PCDHGA8: variants seen among roughly 807,000 people sequenced by gnomAD.
The protein encoded by PCDHGA8 is protocadherin gamma-A8.
In PCDHGA8, 45 loss-of-function variants were observed where a neutral mutation model predicts 59.2. The ratio of observed to expected loss-of-function variants is 0.76; its 90% CI spans 0.60 to 0.98. The LOEUF (loss-of-function observed/expected upper bound fraction) is 0.98. Ranked by LOEUF, PCDHGA8 falls within the 50% of genes least tolerant of loss-of-function variation. The pLI, the probability that PCDHGA8 is intolerant of heterozygous loss-of-function variation, is 0.00. For synonymous variants in PCDHGA8, 531 were observed against 519.0 expected, an observed-to-expected ratio of 1.02 and a Z score of -0.32; for missense variants, 1,257 against 1,196.2, an observed-to-expected ratio of 1.05 and a Z score of -0.75.
Position 141,486,294 on chromosome 5 carries a change from T to C in PCDHGA8, c.2425-8513T>C, listed in dbSNP as rs764106041. The C allele has an allele frequency of 1.2e-6, 2 of 1,614,036 alleles. No homozygotes were observed. The highest frequency in any genetic ancestry group is 1.7e-6 in the Non-Finnish European group (2 of 1,179,998). On this transcript the variant is annotated intron_variant, in intron 1 of 3. Transcript: ENST00000398604. The surrounding 1 kb of genome is among the most constrained non-coding windows in gnomAD (Gnocchi z 5.0). ...GGCACTGTGGTGGCACTTATCAGTG[T>C]GCAGGATCCAGACTCAGGGTCAAAC...
Position 141,477,102 on chromosome 5 carries a change from C to T in PCDHGA8, c.2425-17705C>T. 2.5e-6 allele frequency: 4 copies of T among 1,614,232 alleles called. No homozygotes were observed. The South Asian group carries it at 4.4e-5, about 18-fold the overall frequency. On this transcript the variant is annotated intron_variant, in intron 1 of 3. Coordinates refer to ENST00000398604, the MANE Select transcript of PCDHGA8 (RefSeq NM_032088.2). This position sits in a 1 kb window ranked among gnomAD's most constrained non-coding sequence, Gnocchi z 4.9. Reference sequence around the variant, plus strand: ...TACATCCAGGCCAAAGACAAGGGCGCCAATCCCGAAGGAGCACATTGCAAA... The same window carrying T: ...TACATCCAGGCCAAAGACAAGGGCGTCAATCCCGAAGGAGCACATTGCAAA...
rs141151122 is a variant in PCDHGA8, at chr5:141,491,445, C to T, written c.2425-3362C>T. ...GAGGGCAGTGCTGCAGGCGCCAGGA[C>T]TCACCCTCCCCGGACTTCTATAAGC... is the stretch of plus-strand genomic sequence containing the variant. On this transcript the variant is annotated intron_variant, in intron 1 of 3. Transcript: ENST00000398604. This position sits in a 1 kb window ranked among gnomAD's most constrained non-coding sequence, Gnocchi z 6.9. 1 of 1,614,112 alleles carries T rather than the reference C, an allele frequency of 6.2e-7. No individual in the cohort carries two copies. The highest frequency in any genetic ancestry group is 8.5e-7 in the Non-Finnish European group (1 of 1,180,032).
At chr5:141,459,814 T>A (rs757306281) in intron 1 of PCDHGA8, among the ~76,000 whole-genome samples, 2 of 152,256 alleles carry the variant, frequency 1.3e-5, no homozygotes, top group African/African-American at 4.8e-5. Context: ...CTAGAGACAC[T>A]GAGCAACTTT....
At chr5:141,457,432 C>G (rs982456249) in intron 1 of PCDHGA8, among the ~76,000 whole-genome samples, 1 of 152,172 alleles carries the variant, frequency 6.6e-6, no homozygotes, top group Non-Finnish European at 1.5e-5. Context: ...TCCCCCCCAC[C>G]AAGCTGCAGA....
At chr5:141,509,650 T>C (rs1484029268) in intron 3 of PCDHGA8, among the ~76,000 whole-genome samples, 1 of 152,188 alleles carries the variant, frequency 6.6e-6, no homozygotes, top group African/African-American at 2.4e-5. Context: ...GGCCAGAGTG[T>C]GGACTTCTCT....
intron 1 of PCDHGA8, chr5:141,430,838 G>A (rs866767896): frequency 2.6e-6 from 4 of 1,562,908 alleles, no homozygotes; most frequent in Non-Finnish European, 3.5e-6. Context: ...GTGGGAGACC[G>A]GATGCACCCA....
chr5:141,447,428 G>C (rs542079336), intron 1 of PCDHGA8, among the ~76,000 whole-genome samples: 1 of 152,184 alleles, frequency 6.6e-6, no homozygotes, highest in African/African-American at 2.4e-5. Flanking sequence ...GTGAGCCACC[G>C]CACCCGGAGG....
rs77141792 is a variant in PCDHGA8, at chr5:141,392,843, C to T, written c.30C>T (p.Arg10=). The change falls in exon 1 of 4, where the codon CGC becomes CGT. Residue 10 remains arginine (R), a synonymous_variant. Coordinates refer to ENST00000398604, the MANE Select transcript of PCDHGA8 (RefSeq NM_032088.2). ...CCGCTCCACAGAGTCGCCCCAGACG[C>T]GGCGAGCTGATCCTGCTGTGCGCGC... MAAPQSRPR[R]GELILLCALL... is the part of the protein sequence containing the mutation. 0.027 allele frequency: 43,247 copies of T among 1,608,962 alleles called. 854 individuals are homozygous for T. The highest frequency in any genetic ancestry group is 0.093 in the African/African-American group (7,000 of 74,926).
chr5:141,413,090 C>T, intron 1 of PCDHGA8: 1 of 1,391,312 alleles, frequency 7.2e-7, no homozygotes, highest in South Asian at 1.4e-5. Flanking sequence ...ACAGAGACAC[C>T]CTGAAGCCAC....
At chr5:141,422,959 C>A in intron 1 of PCDHGA8, 1 of 1,614,234 alleles carries the variant, frequency 6.2e-7, no homozygotes, top group South Asian at 1.1e-5. Context: ...TGGCGTGGAG[C>A]TGGCGCCCCG....
At chr5:141,395,500 TAAG>T (rs1227202502) in intron 1 of PCDHGA8, 3 of 471,360 alleles carry the variant, frequency 6.4e-6, no homozygotes, top group Non-Finnish European at 1.1e-5. Flanking sequence ...CTCATTCACT[TAAG>T]AAGTAGCTAC....
chr5:141,489,971 C>A lies in PCDHGA8; in HGVS notation c.2425-4836C>A, dbSNP rs1254025468. 1 of 1,614,060 alleles carries A rather than the reference C, an allele frequency of 6.2e-7. No homozygotes were observed. The highest frequency in any genetic ancestry group is 1.3e-5 in the African/African-American group (1 of 74,944). Reference sequence around the variant, plus strand: ...AATGATAATGCTCCAACCTTCCAATCCTCAGTTCTACGTGTGGGAATCCCA... The same window carrying A: ...AATGATAATGCTCCAACCTTCCAATACTCAGTTCTACGTGTGGGAATCCCA... On this transcript the variant is annotated intron_variant, in intron 1 of 3. Transcript: ENST00000398604. The surrounding 1 kb of genome is among the most constrained non-coding windows in gnomAD (Gnocchi z 4.5).
chr5:141,483,811 C>A (rs1252197546), intron 1 of PCDHGA8, among the ~76,000 whole-genome samples: 1 of 152,102 alleles, frequency 6.6e-6, no homozygotes, highest in Non-Finnish European at 1.5e-5. Flanking sequence ...CTTTTTTTGG[C>A]AGCCAGTGTA....
At chr5:141,413,364 G>A (rs759265336) in intron 1 of PCDHGA8, 14 of 1,613,870 alleles carry the variant, frequency 8.7e-6, no homozygotes, top group African/African-American at 5.3e-5. Flanking sequence ...CCCGGGAGCT[G>A]GCGGAGCGCG....
chr5:141,485,563 C>A lies in PCDHGA8; in HGVS notation c.2425-9244C>A. 2 of 1,612,904 alleles carry A rather than the reference C, an allele frequency of 1.2e-6. No individual in the cohort carries two copies. The highest frequency in any genetic ancestry group is 1.7e-6 in the Non-Finnish European group (2 of 1,179,034). ...AGATCGTAGATGTGAATGATCACGC[C>A]CCCCGTTTTCCGCGGCAGCAGCTGG... On this transcript the variant is annotated intron_variant, in intron 1 of 3. Coordinates refer to ENST00000398604, the MANE Select transcript of PCDHGA8 (RefSeq NM_032088.2). This position sits in a 1 kb window ranked among gnomAD's most constrained non-coding sequence, Gnocchi z 5.7.
chr5:141,506,085 G>A lies in PCDHGA8; in HGVS notation c.2572+604G>A, dbSNP rs532931472. Among the ~76,000 whole-genome samples the A allele has an allele frequency of 2.6e-4, 39 of 152,168 alleles. 1 individual carries two copies. In the South Asian group the frequency reaches 2.9e-3, roughly 11 times the overall value. On this transcript the variant is annotated intron_variant, in intron 3 of 3. Coordinates refer to ENST00000398604, the MANE Select transcript of PCDHGA8 (RefSeq NM_032088.2). ...AGGGCTTCCTTTGTAATAGAGATTC[G>A]GCTAGTGGTGGTTGTCCCTGAAGAG...
At chr5:141,455,438 C>G (rs1350941007) in intron 1 of PCDHGA8, among the ~76,000 whole-genome samples, 1 of 152,082 alleles carries the variant, frequency 6.6e-6, no homozygotes, top group Non-Finnish European at 1.5e-5. Context: ...GAGGAGGTCC[C>G]CATCTACCGC....
intron 1 of PCDHGA8, chr5:141,410,121 A>G (rs1239244343): frequency 1.9e-6 from 3 of 1,612,642 alleles, no homozygotes; most frequent in Non-Finnish European, 2.5e-6. Flanking sequence ...GCAGCCCGCC[A>G]GCGCCTGCTG....
intron 1 of PCDHGA8, among the ~76,000 whole-genome samples, chr5:141,457,124 ACT>A (rs1304231701): frequency 6.6e-6 from 1 of 152,158 alleles, no homozygotes; most frequent in Non-Finnish European, 1.5e-5. Context: ...AGCAATGGAA[ACT>A]CTGTCCAATA....
Sources: allele counts gnomAD v4.1 joint callset (sites outside exome capture counted in the v4.1 genomes callset), GRCh38; gene constraint gnomAD v4.1.1; non-coding constraint Gnocchi (gnomAD v3.1); transcripts MANE v1.5; gene names NCBI Gene and HGNC (gene_info 2026-07-23, HGNC 2026-07-21).